USP24: variants seen among roughly 807,000 people sequenced by gnomAD.
USP24 encodes the protein ubiquitin specific peptidase 24.
A neutral mutation model predicts 361.6 loss-of-function variants in USP24; 97 were observed. The ratio of observed to expected loss-of-function variants is 0.27; its 90% CI spans 0.23 to 0.32. USP24 has a LOEUF of 0.32. Among genes scored for constraint, USP24 ranks in the 10% least tolerant of loss-of-function variants. USP24 has a pLI of 1.00. For missense variants in USP24, 2,353 were observed against 3,165.6 expected (o/e 0.74, Z 6.16); for synonymous variants, 1,098 against 1,124.6 (o/e 0.98, Z 0.47).
chr1:55,071,729 G>C, intron 67 of USP24, 85 bp downstream of exon 67: 1 of 1,354,340 alleles, frequency 7.4e-7, no homozygotes, highest in Non-Finnish European at 1.0e-6. Flanking sequence ...GAAGCATCTT[G>C]TTTTCCCTCA....
intron 21 of USP24, among the ~76,000 whole-genome samples, chr1:55,143,781 T>C (rs985103701): frequency 1.6e-4 from 24 of 152,146 alleles, no homozygotes; most frequent in Admixed American, 5.2e-4. Flanking sequence ...TTTAGGTACA[T>C]GTGAATTGCT....
chr1:55,176,265 A>G (rs894943842), intron 3 of USP24, 111 bp downstream of exon 3: 1 of 806,742 alleles, frequency 1.2e-6, no homozygotes, highest in Non-Finnish European at 1.9e-6. Flanking sequence ...AACAAGATTC[A>G]TAAACTGGTC....
At position 55,137,571 on chromosome 1, in the gene USP24, T is replaced by C. The variant is rs776267770; in HGVS notation, c.3145A>G (p.Thr1049Ala). ...CCACTGCTGCTGCTGCTGGAGCTGG[T>C]TGAAGAATCTGCTGAACTCCCAGAT... ...TPSGSSADSS[T>A]SSSSSSSGVF... The change falls in exon 28 of 68, where the codon ACC becomes GCC. Residue 1049 changes from threonine (T) to alanine (A), a missense_variant. Transcript: ENST00000294383. The C allele has an allele frequency of 8.1e-6, 13 of 1,613,326 alleles. No homozygotes were observed. Among genetic ancestry groups the C allele is most frequent in the South Asian group, 2.2e-5 (2 of 90,998 alleles).
chr1:55,097,968 T>C lies in USP24; in HGVS notation c.5570A>G (p.Tyr1857Cys). ...CTTTTCTTTACACTTTTCACAGTAG[T>C]ACGCATTACTTCCTTCTAGAACTTC... is the stretch of plus-strand genomic sequence containing the variant. ...RGEVLEGSNA[Y>C]YCEKCKEKRI... Residue 1857 changes from tyrosine (Y) to cysteine (C), a missense_variant, in exon 47 of 68, where the codon TAC becomes TGC. Physicochemically the swap from Tyr to Cys is radical, Grantham distance 194. This residue lies in a region of USP24 where 105 missense variants were observed against 200.3 expected (regional missense o/e 0.52). Transcript: ENST00000294383. The C allele has an allele frequency of 6.2e-7, 1 of 1,610,944 alleles. No individual in the cohort carries two copies. The highest frequency in any genetic ancestry group is 8.5e-7 in the Non-Finnish European group (1 of 1,179,102).
intron 1 of USP24, among the ~76,000 whole-genome samples, chr1:55,210,756 G>C (rs1173830635): frequency 6.6e-6 from 1 of 152,038 alleles, no homozygotes; most frequent in Non-Finnish European, 1.5e-5. Flanking sequence ...AAGTACTCCT[G>C]ACAAAACAAT....
In USP24 at chr1:55,083,362, T is replaced by C; in HGVS notation, c.6885A>G (p.Gln2295=). Residue 2295 remains glutamine, a splice_region_variant and synonymous_variant, in exon 58 of 68, where the codon CAA becomes CAG. Transcript: ENST00000294383. ...GAAGAAGATCTCCAGCCCTAATTCC[T>C]TGCTGTCACAAGATATTGAGAATAA... is the stretch of plus-strand genomic sequence containing the variant. The part of the protein sequence containing the change: ...FFLFNTFVQK[Q]GIRAGDLLLR... 3.1e-6 allele frequency: 5 copies of C among 1,613,418 alleles called. No homozygotes were observed. Among genetic ancestry groups the C allele is most frequent in the Non-Finnish European group, 4.2e-6 (5 of 1,179,586 alleles).
chr1:55,148,281 A>AC (rs1343613457), intron 17 of USP24, among the ~76,000 whole-genome samples, 182 bp downstream of exon 17: 2 of 151,906 alleles, frequency 1.3e-5, no homozygotes, highest in Non-Finnish European at 2.9e-5. Context: ...ATTAAAAAAA[A>AC]AAAAAAGCTC....
At chr1:55,172,331 T>C in intron 4 of USP24, 46 bp downstream of exon 4, 1 of 1,500,994 alleles carries the variant, frequency 6.7e-7, no homozygotes, top group South Asian at 1.4e-5. Context: ...GCAAGTATTT[T>C]AAACAAAATC....
intron 5 of USP24, among the ~76,000 whole-genome samples, chr1:55,166,934 T>G (rs1648926023): frequency 6.6e-6 from 1 of 152,322 alleles, no homozygotes; most frequent in South Asian, 2.1e-4. Flanking sequence ...AAATTAAAAC[T>G]TAATTATTAA....
chr1:55,109,410 T>A (rs1387050174), intron 39 of USP24, among the ~76,000 whole-genome samples: 1 of 152,216 alleles, frequency 6.6e-6, no homozygotes, highest in African/African-American at 2.4e-5. Flanking sequence ...TCTTTTAGAC[T>A]TAGGTGCTGG....
chr1:55,179,205 T>C (rs748635990), intron 1 of USP24, among the ~76,000 whole-genome samples: 12 of 152,196 alleles, frequency 7.9e-5, no homozygotes, highest in Non-Finnish European at 1.5e-4. Context: ...CCTCTTGAAA[T>C]GCTGGCTTCT....
At position 55,167,996 on chromosome 1, in the gene USP24, G is replaced by A. The variant is rs72913328; in HGVS notation, c.826-1393C>T. 6.1e-3 allele frequency among the ~76,000 whole-genome samples: 933 copies of A among 152,158 alleles called. 7 individuals carry two copies. Among genetic ancestry groups the A allele is most frequent in the African/African-American group, 0.021 (867 of 41,514 alleles). ...CAGAGATATAAATTGGAGGGCCATC[G>A]GCATAAATATGACATTTAAATCCAT... On this transcript the variant is annotated intron_variant, in intron 5 of 67. Transcript: ENST00000294383.
chr1:55,150,585 A>G (rs1647166336), intron 16 of USP24, among the ~76,000 whole-genome samples: 1 of 152,240 alleles, frequency 6.6e-6, no homozygotes. Flanking sequence ...TTCAGCAAGA[A>G]GCAAATATAT....
chr1:55,141,983 T>C (rs1042699034), intron 23 of USP24, among the ~76,000 whole-genome samples: 2 of 152,296 alleles, frequency 1.3e-5, no homozygotes, highest in South Asian at 2.1e-4. Context: ...TAGTGCCCTA[T>C]ATATGTTAAC....
chr1:55,214,775 G>C lies in USP24; in HGVS notation c.324+15C>G, dbSNP rs879882255. 187 of 1,221,686 alleles carry C rather than the reference G, an allele frequency of 1.5e-4. No individual in the cohort carries two copies. Among genetic ancestry groups the C allele is most frequent in the Non-Finnish European group, 1.9e-4 (181 of 971,476 alleles). 75.7% of individuals were successfully genotyped at this position (1,221,686 alleles called of 1,614,324 possible). The stretch of plus-strand genomic sequence containing the variant: ...CAGTGGCTTCCCACAGAGGTCTGGG[G>C]TTGCCCCTCCTCACCTCCGCGTCCA... On this transcript the variant is annotated intron_variant, in intron 1 of 67. Transcript: ENST00000294383.
rs535460881 is a variant in USP24 at position 55,113,900 on chromosome 1, G to T, written c.4509-3654C>A. ...ACTCTTATTTAACATAGTATTGGAA[G>T]TTCTGGCCAGGGCAATCAGGCAAGA... On this transcript the variant is annotated intron_variant, in intron 38 of 67. Transcript: ENST00000294383. Among the ~76,000 whole-genome samples the T allele has an allele frequency of 8.5e-5, 13 of 152,296 alleles. 1 individual carries two copies. In the South Asian group the frequency reaches 2.7e-3, roughly 32 times the overall value.
chr1:55,079,571 C>T lies in USP24; in HGVS notation c.7167G>A (p.Leu2389=), dbSNP rs771803192. Residue 2389 remains leucine (L), a synonymous_variant, in exon 60 of 68, where the codon TTG becomes TTA. Transcript: ENST00000294383. ...GGTAAGGTTTCCCTTCAGACATGAACAACAAGGCTTCTACCTCCTCATGGA... is the reference window on the plus strand; with the variant it reads ...GGTAAGGTTTCCCTTCAGACATGAATAACAAGGCTTCTACCTCCTCATGGA... The part of the protein sequence containing the change: ...LPLHEEVEAL[L]FMSEGKPYLL... 3 of 1,576,218 alleles carry T rather than the reference C, an allele frequency of 1.9e-6. No homozygotes were observed. Among genetic ancestry groups the T allele is most frequent in the Admixed American group, 2.0e-5 (1 of 50,906 alleles).
At chr1:55,201,403 C>T (rs1047643123) in intron 1 of USP24, among the ~76,000 whole-genome samples, 2 of 151,596 alleles carry the variant, frequency 1.3e-5, no homozygotes, top group Non-Finnish European at 2.9e-5. Flanking sequence ...GAGTTTGAGA[C>T]CAGCCTGGCC....
At chr1:55,116,044 G>C (rs1646106293) in intron 38 of USP24, among the ~76,000 whole-genome samples, 1 of 152,138 alleles carries the variant, frequency 6.6e-6, no homozygotes, top group Non-Finnish European at 1.5e-5. Flanking sequence ...GGGAGGGATA[G>C]CATTAAGAGA....
Sources: allele counts gnomAD v4.1 joint callset (sites outside exome capture counted in the v4.1 genomes callset), GRCh38; gene constraint gnomAD v4.1.1; regional missense constraint gnomAD v4.1.1; transcripts MANE v1.5; gene names NCBI Gene and HGNC (gene_info 2026-07-23, HGNC 2026-07-21).